PPFIA2: variants seen among roughly 807,000 people sequenced by gnomAD.
PPFIA2 encodes the protein liprin-alpha-2.
PPFIA2 carries 46 observed loss-of-function variants against 175.5 expected under a neutral mutation model. The ratio of observed to expected loss-of-function variants is 0.26; its 90% confidence interval spans 0.21 to 0.34. PPFIA2 has a LOEUF of 0.34. Among genes scored for constraint, PPFIA2 ranks in the 10% least tolerant of loss-of-function variants. The pLI is 1.00. For missense variants in PPFIA2, 1,179 were observed against 1,506.1 expected, an observed-to-expected ratio of 0.78 and a Z score of 3.60; for synonymous variants, 568 against 511.4, an observed-to-expected ratio of 1.11 and a Z score of -1.49.
chr12:81,279,986 C>T (rs1005281755), intron 27 of PPFIA2, among the ~76,000 whole-genome samples: 1 of 152,202 alleles, frequency 6.6e-6, no homozygotes, highest in Non-Finnish European at 1.5e-5. Context: ...TAATAATGAT[C>T]TTAAAACCTA....
At chr12:81,630,396 C>G (rs1485858985) in intron 4 of PPFIA2, among the ~76,000 whole-genome samples, 1 of 152,126 alleles carries the variant, frequency 6.6e-6, no homozygotes, top group Non-Finnish European at 1.5e-5. Context: ...TCCCTAACTA[C>G]AAGAAAGGCT....
intron 3 of PPFIA2, among the ~76,000 whole-genome samples, chr12:81,723,355 G>A (rs1252369815): frequency 2.0e-5 from 3 of 151,094 alleles, no homozygotes; most frequent in Non-Finnish European, 3.0e-5. Context: ...AGGATTAAAT[G>A]AAATGATATA....
chr12:81,374,565 A>G, intron 11 of PPFIA2, 69 bp downstream of exon 11: 1 of 1,488,392 alleles, frequency 6.7e-7, no homozygotes, highest in Non-Finnish European at 9.0e-7. Context: ...AAATCTTTAC[A>G]CATTCCATTT....
chr12:81,644,476 T>G (rs995686839), intron 4 of PPFIA2, among the ~76,000 whole-genome samples: 1 of 152,032 alleles, frequency 6.6e-6, no homozygotes, highest in South Asian at 2.1e-4. Flanking sequence ...TTAATACTTA[T>G]AAAAAAGTAA....
intron 4 of PPFIA2, among the ~76,000 whole-genome samples, chr12:81,460,858 G>T (rs1447935651): frequency 6.6e-6 from 1 of 152,026 alleles, no homozygotes; most frequent in Non-Finnish European, 1.5e-5. Context: ...GAGGCCTAGA[G>T]AAGTTAAGTA....
chr12:81,612,786 T>A (rs1184479466), intron 4 of PPFIA2, among the ~76,000 whole-genome samples: 1 of 152,244 alleles, frequency 6.6e-6, no homozygotes, highest in Non-Finnish European at 1.5e-5. Flanking sequence ...CATAGATGTG[T>A]CATATATATG....
intron 4 of PPFIA2, among the ~76,000 whole-genome samples, chr12:81,527,599 C>T (rs937767270): frequency 6.6e-6 from 1 of 152,014 alleles, no homozygotes; most frequent in Non-Finnish European, 1.5e-5. Flanking sequence ...CTCATACCTT[C>T]GGTGTTCCCT....
intron 23 of PPFIA2, among the ~76,000 whole-genome samples, chr12:81,295,574 CTTAA>C (rs1288723829): frequency 2.0e-5 from 3 of 152,144 alleles, no homozygotes; most frequent in African/African-American, 4.8e-5. Flanking sequence ...GATGTGTGAA[CTTAA>C]TTAGATGCTA....
chr12:81,263,166 G>T, intron 31 of PPFIA2, 65 bp downstream of exon 31: 1 of 1,421,608 alleles, frequency 7.0e-7, no homozygotes, highest in African/African-American at 1.4e-5. Context: ...CAAGGTCAGA[G>T]AATTATACTA....
intron 7 of PPFIA2, among the ~76,000 whole-genome samples, chr12:81,409,556 G>A (rs1382664061): frequency 1.3e-5 from 2 of 151,972 alleles, no homozygotes; most frequent in Non-Finnish European, 2.9e-5. Flanking sequence ...CTCTACTATG[G>A]GATAAGGCAT....
At chr12:81,458,790 T>A (rs527639483) in intron 4 of PPFIA2, among the ~76,000 whole-genome samples, 17 of 152,300 alleles carry the variant, frequency 1.1e-4, no homozygotes, top group African/African-American at 3.8e-4. Context: ...TTTATTTTTT[T>A]AAATATAGTA....
chr12:81,511,782 A>C (rs1307233037), intron 4 of PPFIA2, among the ~76,000 whole-genome samples: 1 of 152,000 alleles, frequency 6.6e-6, no homozygotes, highest in African/African-American at 2.4e-5. Flanking sequence ...TCCTTTAAGA[A>C]CCCAACATTT....
intron 4 of PPFIA2, among the ~76,000 whole-genome samples, chr12:81,578,459 C>T (rs1431733593): frequency 6.6e-6 from 1 of 151,634 alleles, no homozygotes; most frequent in Non-Finnish European, 1.5e-5. Context: ...AAAATTAACA[C>T]CCCTCTGCTT....
intron 23 of PPFIA2, among the ~76,000 whole-genome samples, chr12:81,297,526 C>T (rs866349867): frequency 6.6e-6 from 1 of 152,162 alleles, no homozygotes; most frequent in Non-Finnish European, 1.5e-5. Flanking sequence ...TGCTTTCTTC[C>T]AGCAGGTTAG....
intron 3 of PPFIA2, among the ~76,000 whole-genome samples, chr12:81,721,406 T>C (rs2079315094): frequency 6.6e-6 from 1 of 151,170 alleles, no homozygotes; most frequent in Non-Finnish European, 1.5e-5. Context: ...GGTAGAGTGA[T>C]TGTTCAGAAA....
intron 4 of PPFIA2, among the ~76,000 whole-genome samples, chr12:81,611,540 G>A (rs1413068686): frequency 2.0e-5 from 3 of 152,196 alleles, no homozygotes; most frequent in East Asian, 1.9e-4. Flanking sequence ...CAGCAGGGCC[G>A]TGGAGGCTGT....
At chr12:81,406,206 G>C (rs66532723) in intron 7 of PPFIA2, among the ~76,000 whole-genome samples, 21 of 151,920 alleles carry the variant, frequency 1.4e-4, no homozygotes. Flanking sequence ...TTGTATTCAC[G>C]TGATGTTAAT....
intron 4 of PPFIA2, among the ~76,000 whole-genome samples, chr12:81,663,408 G>A (rs967120755): frequency 6.6e-6 from 1 of 152,058 alleles, no homozygotes; most frequent in African/African-American, 2.4e-5. Flanking sequence ...GACAAACAGA[G>A]AGCCAAATCA....
chr12:81,427,621 A>T (rs762486742), intron 7 of PPFIA2, among the ~76,000 whole-genome samples: 12 of 152,048 alleles, frequency 7.9e-5, no homozygotes, highest in Admixed American at 2.6e-4. Context: ...AAAAAAGGAG[A>T]TGTAGTCGTG....
Sources: allele counts gnomAD v4.1 joint callset (sites outside exome capture counted in the v4.1 genomes callset), GRCh38; gene constraint gnomAD v4.1.1; transcripts MANE v1.5; gene names NCBI Gene and HGNC (gene_info 2026-07-23, HGNC 2026-07-21).